The following MID1 variants were observed in gnomAD, a reference collection of about 807,000 sequenced individuals.
The protein encoded by MID1 is midline 1.
In MID1, 7 loss-of-function variants were observed where a neutral mutation model predicts 40.4. The ratio of observed to expected loss-of-function variants is 0.17; its 90% CI spans 0.10 to 0.33. The LOEUF is 0.33. Among genes scored for constraint, MID1 ranks in the 10% least tolerant of loss-of-function variants. The probability of loss-of-function intolerance (pLI) is 1.00; values close to 1 mark genes in which losing one functional copy is unlikely to be tolerated. For synonymous variants in MID1, 229 were observed against 221.2 expected (o/e 1.04, Z -0.31); for missense variants, 367 against 558.5 (o/e 0.66, Z 3.46).
At chrX:10,495,550 G>T in intron 4 of MID1, 34 bp downstream of exon 4, 1 of 1,030,413 alleles carries the variant, frequency 9.7e-7, no homozygotes, top group Non-Finnish European at 1.4e-6. Flanking sequence ...TCTCCAGGTA[G>T]AGAATATGAA....
At chrX:10,719,319 T>C (rs1308986139) in intron 1 of MID1, among the ~76,000 whole-genome samples, 1 of 107,289 alleles carries the variant, frequency 9.3e-6, no homozygotes, top group East Asian at 2.9e-4. Context: ...GCCCAAAATC[T>C]CCTTAAGCTG....
At chrX:10,607,261 T>A (rs2147527725) in intron 1 of MID1, among the ~76,000 whole-genome samples, 1 of 111,642 alleles carries the variant, frequency 9.0e-6, no homozygotes, top group East Asian at 2.8e-4. Context: ...AGATTCTCCT[T>A]CTCTTCTGTC....
chrX:10,482,572 C>T lies in MID1; in HGVS notation c.921G>A (p.Glu307=), dbSNP rs1454505085. ...CTTGGGAGATGAGTGATGCTGACCG[C>T]TCAATGCACTGTTTGCAGTTTGCAA... The part of the protein sequence containing the change: ...QQIANCKQCI[E]RSASLISQAE... The change falls in exon 5 of 10, where the codon GAG becomes GAA. Residue 307 remains glutamate, a synonymous_variant. Coordinates refer to ENST00000317552, the MANE Select transcript of MID1 (RefSeq NM_000381.4). 1.7e-6 allele frequency: 2 copies of T among 1,210,736 alleles called. No homozygotes were observed. Among genetic ancestry groups the T allele is most frequent in the Non-Finnish European group, 2.2e-6 (2 of 894,991 alleles).
At chrX:10,670,403 G>A (rs1306991083) in intron 1 of MID1, among the ~76,000 whole-genome samples, 1 of 110,568 alleles carries the variant, frequency 9.0e-6, no homozygotes, top group African/African-American at 3.3e-5. Flanking sequence ...CTTCTACAAA[G>A]ATACAGAATA....
chrX:10,617,259 T>C (rs187280434), intron 1 of MID1, among the ~76,000 whole-genome samples: 7 of 112,078 alleles, frequency 6.2e-5, no homozygotes, highest in Non-Finnish European at 9.4e-5. Context: ...GAGGATCAAA[T>C]TGCCACCTCA....
chrX:10,559,908 G>A (rs1934268341), intron 2 of MID1, among the ~76,000 whole-genome samples: 1 of 107,194 alleles, frequency 9.3e-6, no homozygotes, highest in Non-Finnish European at 1.9e-5. Flanking sequence ...TTTGAGACAG[G>A]GTCTTGCTCT....
intron 2 of MID1, among the ~76,000 whole-genome samples, chrX:10,543,443 A>C (rs1185744064): frequency 8.9e-6 from 1 of 111,976 alleles, no homozygotes; most frequent in African/African-American, 3.2e-5. Flanking sequence ...AGCAGCTACC[A>C]TTTATTGAAC....
intron 1 of MID1, among the ~76,000 whole-genome samples, chrX:10,643,598 G>A (rs1001140013): frequency 4.5e-5 from 5 of 111,783 alleles, no homozygotes; most frequent in African/African-American, 1.3e-4. Flanking sequence ...TCAGTGTAGC[G>A]ATTCCTCAGG....
intron 1 of MID1, among the ~76,000 whole-genome samples, chrX:10,672,852 C>T (rs996217340): frequency 7.8e-4 from 86 of 110,330 alleles, no homozygotes; most frequent in Non-Finnish European, 3.8e-4. Flanking sequence ...ACCCAGTTAA[C>T]TTTTTATTTT....
chrX:10,812,233 G>A (rs151038850), intron 1 of MID1, among the ~76,000 whole-genome samples: 1,171 of 111,355 alleles, frequency 0.011, 17 homozygotes, highest in African/African-American at 0.036. Context: ...TGGTGGGAAT[G>A]CATAAGTCTC....
intron 1 of MID1, among the ~76,000 whole-genome samples, chrX:10,588,882 C>G (rs1009614417): frequency 9.0e-5 from 10 of 111,633 alleles, no homozygotes; most frequent in Admixed American, 6.7e-4. Context: ...GATGGCCAAG[C>G]CACCTCTAAT....
intron 1 of MID1, among the ~76,000 whole-genome samples, chrX:10,741,405 C>A (rs1419841554): frequency 2.7e-5 from 3 of 110,014 alleles, no homozygotes; most frequent in African/African-American, 9.9e-5. Context: ...TCGGCTGAAC[C>A]CTGAATTAAG....
At chrX:10,632,797 T>C (rs1936067046) in intron 1 of MID1, among the ~76,000 whole-genome samples, 1 of 111,866 alleles carries the variant, frequency 8.9e-6, no homozygotes, top group Non-Finnish European at 1.9e-5. Flanking sequence ...AGAATTTTTT[T>C]TTTAACATTT....
At chrX:10,592,937 C>T (rs1177943043) in intron 1 of MID1, among the ~76,000 whole-genome samples, 1 of 111,925 alleles carries the variant, frequency 8.9e-6, no homozygotes, top group Non-Finnish European at 1.9e-5. Context: ...TCTTATTTTT[C>T]CTTGAGATCA....
At chrX:10,692,200 C>G (rs183345499) in intron 1 of MID1, among the ~76,000 whole-genome samples, 1 of 110,992 alleles carries the variant, frequency 9.0e-6, no homozygotes, top group East Asian at 2.8e-4. Flanking sequence ...GTTCGTACAC[C>G]CCCTCCCCTT....
chrX:10,755,899 TTC>T (rs763691297), intron 1 of MID1, among the ~76,000 whole-genome samples: 15 of 112,091 alleles, frequency 1.3e-4, no homozygotes, highest in Non-Finnish European at 2.4e-4. Context: ...GACAGTTTGC[TTC>T]TGTTTTCTGT....
chrX:10,719,431 T>G (rs1224799808), intron 1 of MID1, among the ~76,000 whole-genome samples: 3 of 110,847 alleles, frequency 2.7e-5, no homozygotes, highest in Admixed American at 1.9e-4. Context: ...AAATCATGAG[T>G]GAACTCCCAT....
At chrX:10,498,087 G>A (rs961172463) in intron 3 of MID1, among the ~76,000 whole-genome samples, 1 of 111,364 alleles carries the variant, frequency 9.0e-6, no homozygotes, top group African/African-American at 3.3e-5. Context: ...TTATTTGAGG[G>A]GGAGGGAGGA....
chrX:10,562,465 C>T (rs948731943), intron 2 of MID1, among the ~76,000 whole-genome samples: 4 of 101,546 alleles, frequency 3.9e-5, no homozygotes, highest in East Asian at 2.9e-4. Context: ...AGACTGAAAA[C>T]ATTAATGAGC....
Sources: gnomAD v4.1 joint callset for allele counts (sites outside exome capture counted in the v4.1 genomes callset) on GRCh38, gnomAD v4.1.1 for gene constraint, MANE v1.5 for transcripts, NCBI Gene and HGNC (gene_info 2026-07-23, HGNC 2026-07-21) for gene names.